The following RERE variants were observed in gnomAD, a reference collection of about 807,000 sequenced individuals.
RERE encodes arginine-glutamic acid dipeptide repeats.
In RERE, 40 loss-of-function variants were observed where a neutral mutation model predicts 146.1. That is an observed-to-expected ratio of 0.27 (90% confidence interval 0.21 to 0.36). The LOEUF is 0.36. Among genes scored for constraint, RERE ranks in the 10% least tolerant of loss-of-function variants. The probability of loss-of-function intolerance (pLI) is 1.00; values close to 1 mark genes in which losing one functional copy is unlikely to be tolerated. For synonymous variants in RERE, 1,003 were observed against 866.0 expected (o/e 1.16, Z -2.78); for missense variants, 1,933 against 2,138.7 (o/e 0.90, Z 1.90).
chr1:8,514,652 C>T (rs1339091369), intron 7 of RERE, among the ~76,000 whole-genome samples: 3 of 151,602 alleles, frequency 2.0e-5, no homozygotes, highest in Admixed American at 6.6e-5. Context: ...TGCTTGAACC[C>T]GGGAGGCAGA....
At chr1:8,447,976 T>A (rs552045152) in intron 11 of RERE, among the ~76,000 whole-genome samples, 2 of 152,310 alleles carry the variant, frequency 1.3e-5, no homozygotes, top group East Asian at 3.9e-4. Context: ...CTGAACAAAT[T>A]CCCTTACTAT....
intron 1 of RERE, among the ~76,000 whole-genome samples, chr1:8,761,511 T>C (rs899203193): frequency 1.3e-5 from 2 of 152,146 alleles, no homozygotes; most frequent in Non-Finnish European, 2.9e-5. Flanking sequence ...GCTTCACACC[T>C]CCCCCACATG....
At chr1:8,565,266 C>T (rs1382150474) in intron 4 of RERE, among the ~76,000 whole-genome samples, 1 of 152,126 alleles carries the variant, frequency 6.6e-6, no homozygotes, top group African/African-American at 2.4e-5. Context: ...AATTATTCTA[C>T]ATTGTATTAA....
chr1:8,693,416 A>G (rs889769307), intron 1 of RERE, among the ~76,000 whole-genome samples: 1 of 152,242 alleles, frequency 6.6e-6, no homozygotes, highest in Non-Finnish European at 1.5e-5. Flanking sequence ...CAGTGATAAA[A>G]AGTAGTGAGC....
intron 11 of RERE, among the ~76,000 whole-genome samples, chr1:8,427,280 C>G (rs1644027871): frequency 1.3e-5 from 2 of 152,128 alleles, no homozygotes; most frequent in South Asian, 4.1e-4. Context: ...CTCCATGATG[C>G]CAAACTCTCC....
At chr1:8,693,022 G>A (rs1265535280) in intron 1 of RERE, among the ~76,000 whole-genome samples, 2 of 152,046 alleles carry the variant, frequency 1.3e-5, no homozygotes, top group Admixed American at 6.5e-5. Context: ...GCTGGCATCG[G>A]AAATGAGCAG....
intron 10 of RERE, among the ~76,000 whole-genome samples, chr1:8,483,234 G>A (rs1644858728): frequency 6.6e-6 from 1 of 152,198 alleles, no homozygotes. Context: ...ACCATTTAAT[G>A]TTGACTCATC....
chr1:8,606,405 A>G (rs1304202082), intron 4 of RERE, among the ~76,000 whole-genome samples: 3 of 152,198 alleles, frequency 2.0e-5, no homozygotes, highest in Non-Finnish European at 4.4e-5. Context: ...AAAATTTACT[A>G]ATGGCTAGTA....
chr1:8,541,397 G>A, intron 6 of RERE, 79 bp from the exon 7 acceptor site: 2 of 799,744 alleles, frequency 2.5e-6, no homozygotes, highest in Non-Finnish European at 4.2e-6. Context: ...AAGGGTGGAG[G>A]AAGCACTGAA....
Position 8,358,791 on chromosome 1 carries a change from G to T in RERE, c.3744C>A (p.Pro1248=). The change falls in exon 20 of 23, where the codon CCC becomes CCA. Residue 1248 remains proline (P), a synonymous_variant. Coordinates refer to ENST00000400908, the MANE Select transcript of RERE (RefSeq NM_001042681.2). ...TIAAVPPYIG[P]DTPALRTLSE... ...TCAGAGTCCGAAGGGCAGGTGTGTC[G>T]GGCCCGATGTAGGGGGGCACAGCAG... is the stretch of plus-strand genomic sequence containing the variant. 6.2e-7 allele frequency: 1 copy of T among 1,612,690 alleles called. No individual in the cohort carries two copies. Among genetic ancestry groups the T allele is most frequent in the Non-Finnish European group, 8.5e-7 (1 of 1,179,322 alleles).
In RERE at chr1:8,751,791, AAAG is replaced by A. The variant is rs201099708; in HGVS notation, c.-145+65366_-145+65368del. Among the ~76,000 whole-genome samples the A allele has an allele frequency of 7.2e-3, 1,095 of 151,328 alleles. 14 individuals are homozygous for A. Among genetic ancestry groups the A allele is most frequent in the African/African-American group, 0.025 (1,024 of 41,168 alleles). On this transcript the variant is annotated intron_variant, in intron 1 of 22. Coordinates refer to ENST00000400908, the MANE Select transcript of RERE (RefSeq NM_001042681.2). ...CCCTTTCACTTTAAAAAAAAAAAAAAAAGAACTTACATTATCATCTAGTTATAT... is the reference window on the plus strand; with the variant it reads ...CCCTTTCACTTTAAAAAAAAAAAAAAAACTTACATTATCATCTAGTTATAT...
chr1:8,626,633 C>T (rs568455496), intron 2 of RERE, among the ~76,000 whole-genome samples: 3 of 152,336 alleles, frequency 2.0e-5, no homozygotes, highest in Non-Finnish European at 4.4e-5. Context: ...AACGTCCCCT[C>T]TGGCTGGAGA....
intron 1 of RERE, among the ~76,000 whole-genome samples, chr1:8,801,234 T>G (rs1238628407): frequency 1.3e-5 from 2 of 151,550 alleles, no homozygotes; most frequent in Non-Finnish European, 2.9e-5. Context: ...CACTCCAACC[T>G]GGACGGCAAA....
At chr1:8,662,475 C>T (rs1466463649) in intron 1 of RERE, among the ~76,000 whole-genome samples, 1 of 152,158 alleles carries the variant, frequency 6.6e-6, no homozygotes, top group Admixed American at 6.5e-5. Context: ...AGGAGGCAAT[C>T]ATTTGAGACC....
chr1:8,600,693 T>G (rs551389898), intron 4 of RERE, among the ~76,000 whole-genome samples: 1 of 151,624 alleles, frequency 6.6e-6, no homozygotes, highest in Non-Finnish European at 1.5e-5. Flanking sequence ...CCTGCATCTT[T>G]AAATACTAAA....
chr1:8,396,681 T>A (rs1643067559), intron 12 of RERE, among the ~76,000 whole-genome samples: 1 of 152,238 alleles, frequency 6.6e-6, no homozygotes, highest in Non-Finnish European at 1.5e-5. Context: ...AAAATTCACA[T>A]AACATAAAAT....
At chr1:8,607,752 G>C (rs1185691899) in intron 4 of RERE, among the ~76,000 whole-genome samples, 1 of 139,006 alleles carries the variant, frequency 7.2e-6, no homozygotes, top group Admixed American at 7.4e-5. Flanking sequence ...TTGAGATGGA[G>C]TCTGGCTCTG....
intron 8 of RERE, among the ~76,000 whole-genome samples, chr1:8,503,040 C>T (rs1645198529): frequency 6.7e-6 from 1 of 149,796 alleles, no homozygotes; most frequent in African/African-American, 2.5e-5. Flanking sequence ...TGTCCTATGA[C>T]CCTGCCAAAT....
chr1:8,595,117 C>T (rs1205182441), intron 4 of RERE, among the ~76,000 whole-genome samples: 1 of 148,534 alleles, frequency 6.7e-6, no homozygotes, highest in Non-Finnish European at 1.5e-5. Flanking sequence ...TCTATGATCA[C>T]ACCACTCATT....
Sources: gnomAD v4.1 joint callset for allele counts (sites outside exome capture counted in the v4.1 genomes callset) on GRCh38, gnomAD v4.1.1 for gene constraint, MANE v1.5 for transcripts, NCBI Gene and HGNC (gene_info 2026-07-23, HGNC 2026-07-21) for gene names.